The following ADAMTS19 variants were observed in gnomAD, a reference collection of about 807,000 sequenced individuals.
ADAMTS19 encodes ADAM metallopeptidase with thrombospondin type 1 motif 19, also known as A disintegrin and metalloproteinase with thrombospondin motifs 19.
In ADAMTS19, 93 loss-of-function variants were observed where a neutral mutation model predicts 153.3. The ratio of observed to expected loss-of-function variants is 0.61; its 90% CI spans 0.51 to 0.72. The LOEUF is 0.72. ADAMTS19 is among the 30% of genes least tolerant of loss of function. The probability of loss-of-function intolerance (pLI) is 0.00; values close to 1 mark genes in which losing one functional copy is unlikely to be tolerated. For synonymous variants in ADAMTS19, 600 were observed against 556.6 expected, an observed-to-expected ratio of 1.08 and a Z score of -1.10; for missense variants, 1,482 against 1,552.1, an observed-to-expected ratio of 0.95 and a Z score of 0.76.
chr5:129,652,772 C>A (rs2127051990), intron 13 of ADAMTS19, among the ~76,000 whole-genome samples: 1 of 152,274 alleles, frequency 6.6e-6, no homozygotes, highest in Non-Finnish European at 1.5e-5. Flanking sequence ...ATTATTTATT[C>A]ATATATCTGG....
In ADAMTS19 at chr5:129,527,755, A is replaced by G. The variant is rs200951669; in HGVS notation, c.1094A>G (p.Asn365Ser). Reference sequence around the variant, plus strand: ...ATTTTTATTTGTTTTTAGGTATTTAACCTTTTCCAACACAAGAGTCTGAGT... The same window carrying G: ...ATTTTTATTTGTTTTTAGGTATTTAGCCTTTTCCAACACAAGAGTCTGAGT... The part of the protein sequence containing the change: ...FILTILNMVF[N>S]LFQHKSLSVQ... Residue 365 changes from asparagine (N) to serine (S), a missense_variant, in exon 5 of 23, where the codon AAC becomes AGC. Physicochemically the swap from Asn to Ser is conservative, Grantham distance 46. Around this residue, in one of 2 missense-constraint regions of ADAMTS19, gnomAD observed 866 missense variants for 827.7 expected, o/e 1.05. Transcript: ENST00000274487. 4.3e-5 allele frequency: 68 copies of G among 1,564,990 alleles called. No homozygotes were observed. The highest frequency in any genetic ancestry group is 5.8e-5 in the Non-Finnish European group (66 of 1,144,524).
chr5:129,588,930 T>G (rs1268248645), intron 7 of ADAMTS19, among the ~76,000 whole-genome samples: 1 of 151,866 alleles, frequency 6.6e-6, no homozygotes, highest in Admixed American at 6.6e-5. Context: ...CCAGTTGTTT[T>G]CTTTTTTACT....
At chr5:129,668,562 G>A (rs1754155482) in intron 16 of ADAMTS19, among the ~76,000 whole-genome samples, 1 of 151,950 alleles carries the variant, frequency 6.6e-6, no homozygotes, top group African/African-American at 2.4e-5. Context: ...CAATTATAAG[G>A]GCAGCGCTCT....
At chr5:129,537,340 A>G (rs1044163156) in intron 6 of ADAMTS19, among the ~76,000 whole-genome samples, 4 of 152,174 alleles carry the variant, frequency 2.6e-5, no homozygotes, top group African/African-American at 9.7e-5. Context: ...ACTGTAAACT[A>G]GTTCAACCAT....
rs185230486 is a variant in ADAMTS19, at chr5:129,663,074, T to A, written c.2426-2425T>A. ...TATACCCAGCTAATTTTTTGTATTT[T>A]TAGTAGAGACGGGGTTTCACTGTGT... On this transcript the variant is annotated intron_variant, in intron 15 of 22. Coordinates refer to ENST00000274487, the MANE Select transcript of ADAMTS19 (RefSeq NM_133638.6). 2.2e-3 allele frequency among the ~76,000 whole-genome samples: 340 copies of A among 152,128 alleles called. 2 individuals carry two copies. Among genetic ancestry groups the A allele is most frequent in the African/African-American group, 7.7e-3 (321 of 41,472 alleles).
At chr5:129,485,004 CAG>C (rs997636185) in intron 2 of ADAMTS19, among the ~76,000 whole-genome samples, 1 of 152,032 alleles carries the variant, frequency 6.6e-6, no homozygotes, top group African/African-American at 2.4e-5. Context: ...ACAGGGAAAA[CAG>C]AGCAATACCA....
chr5:129,490,735 A>G (rs1750737832), intron 2 of ADAMTS19, among the ~76,000 whole-genome samples: 1 of 152,198 alleles, frequency 6.6e-6, no homozygotes, highest in African/African-American at 2.4e-5. Flanking sequence ...ATCCCAGATT[A>G]CTAAGAGAAT....
At chr5:129,611,540 T>C (rs1312623549) in intron 8 of ADAMTS19, among the ~76,000 whole-genome samples, 1 of 152,194 alleles carries the variant, frequency 6.6e-6, no homozygotes, top group Non-Finnish European at 1.5e-5. Flanking sequence ...ATTTATTAAA[T>C]AGGGAATCCT....
intron 8 of ADAMTS19, among the ~76,000 whole-genome samples, chr5:129,604,734 T>G (rs1385715720): frequency 6.6e-6 from 1 of 152,190 alleles, no homozygotes; most frequent in Non-Finnish European, 1.5e-5. Flanking sequence ...GGTTTAGAAT[T>G]TTTTTTGATA....
intron 2 of ADAMTS19, among the ~76,000 whole-genome samples, chr5:129,477,823 C>G (rs924329269): frequency 1.4e-4 from 21 of 152,184 alleles, no homozygotes; most frequent in African/African-American, 5.1e-4. Context: ...GAAAATACAT[C>G]AGACTCTATA....
chr5:129,555,792 G>A (rs1045386966), intron 7 of ADAMTS19, among the ~76,000 whole-genome samples: 1 of 151,980 alleles, frequency 6.6e-6, no homozygotes, highest in African/African-American at 2.4e-5. Flanking sequence ...TTATAACATT[G>A]TATTTTTATA....
intron 10 of ADAMTS19, among the ~76,000 whole-genome samples, chr5:129,638,415 C>T (rs189709734): frequency 6.6e-6 from 1 of 151,818 alleles, no homozygotes; most frequent in African/African-American, 2.4e-5. Flanking sequence ...ATCTTTTATG[C>T]CCTCATTTGT....
chr5:129,626,753 T>C (rs908929696), intron 10 of ADAMTS19, among the ~76,000 whole-genome samples: 1 of 152,098 alleles, frequency 6.6e-6, no homozygotes, highest in African/African-American at 2.4e-5. Context: ...ACAGCAGGAA[T>C]CAAAGATCCT....
chr5:129,530,022 C>T (rs541887651), intron 6 of ADAMTS19, among the ~76,000 whole-genome samples: 2 of 152,056 alleles, frequency 1.3e-5, no homozygotes, highest in East Asian at 3.9e-4. Flanking sequence ...ATAGATCTCC[C>T]CTACCAAAGA....
chr5:129,538,017 G>T (rs1424927160), intron 6 of ADAMTS19, among the ~76,000 whole-genome samples: 1 of 151,924 alleles, frequency 6.6e-6, no homozygotes. Flanking sequence ...GGATGGAGAG[G>T]GGACTTATAA....
intron 18 of ADAMTS19, among the ~76,000 whole-genome samples, chr5:129,686,132 C>T (rs1755076829): frequency 6.6e-6 from 1 of 152,110 alleles, no homozygotes; most frequent in South Asian, 2.1e-4. Flanking sequence ...TAGGATGATA[C>T]CAGTCCTTAT....
chr5:129,590,989 C>T (rs1176876540), intron 7 of ADAMTS19, among the ~76,000 whole-genome samples: 1 of 152,142 alleles, frequency 6.6e-6, no homozygotes, highest in Non-Finnish European at 1.5e-5. Context: ...AGTGTTGATG[C>T]GGAGATGTGC....
rs143333219 is a variant in ADAMTS19, at chr5:129,627,899, TA to T, written c.1770+5561del. ...GCAGTGTGGCAATTCCTCAAAGAGCTAAAAAAAAAACTACCCATAATTACCA... is the reference window on the plus strand; with the variant it reads ...GCAGTGTGGCAATTCCTCAAAGAGCTAAAAAAAAACTACCCATAATTACCA... On this transcript the variant is annotated intron_variant, in intron 10 of 22. Transcript: ENST00000274487. Among the ~76,000 whole-genome samples the T allele has an allele frequency of 1.8e-4, 27 of 147,236 alleles. No individual in the cohort carries two copies. In the South Asian group the frequency reaches 2.6e-3, roughly 14 times the overall value.
chr5:129,608,090 A>ATG (rs747075161), intron 8 of ADAMTS19, among the ~76,000 whole-genome samples: 1,971 of 104,448 alleles, frequency 0.019, 39 homozygotes, highest in African/African-American at 0.028. Flanking sequence ...TTTTATATAT[A>ATG]TGTGTGTGTG....
Sources: gnomAD v4.1 joint callset for allele counts (sites outside exome capture counted in the v4.1 genomes callset) on GRCh38, gnomAD v4.1.1 for gene constraint, gnomAD v4.1.1 regional missense constraint, MANE v1.5 for transcripts, NCBI Gene and HGNC (gene_info 2026-07-23, HGNC 2026-07-21) for gene names.